The following ALCAM variants were observed in gnomAD, a reference collection of about 807,000 sequenced individuals.
The protein encoded by ALCAM is CD166 antigen.
Under a neutral mutation model 70.9 loss-of-function variants are expected in ALCAM, and 30 were observed. The ratio of observed to expected loss-of-function variants is 0.42; its 90% CI spans 0.32 to 0.57. The LOEUF (loss-of-function observed/expected upper bound fraction) is 0.57. Among genes scored for constraint, ALCAM ranks in the 20% least tolerant of loss-of-function variants. The probability of loss-of-function intolerance (pLI) is 0.11; values close to 1 mark genes in which losing one functional copy is unlikely to be tolerated. For missense variants in ALCAM, 591 were observed against 695.1 expected (o/e 0.85, Z 1.68); for synonymous variants, 249 against 242.5 (o/e 1.03, Z -0.25).
intron 11 of ALCAM, among the ~76,000 whole-genome samples, chr3:105,548,022 G>A (rs1436577640): frequency 6.6e-6 from 1 of 151,452 alleles, no homozygotes; most frequent in Non-Finnish European, 1.5e-5. Context: ...TGTGTGGTCT[G>A]ACATGCCTAT....
chr3:105,375,041 AT>A (rs1246440084), intron 1 of ALCAM, among the ~76,000 whole-genome samples: 4 of 152,194 alleles, frequency 2.6e-5, no homozygotes, highest in African/African-American at 9.7e-5. Flanking sequence ...ACCCTTCCAA[AT>A]TCAGCTTGTT....
chr3:105,427,312 C>T (rs189565188), intron 1 of ALCAM, among the ~76,000 whole-genome samples: 2 of 152,016 alleles, frequency 1.3e-5, no homozygotes, highest in East Asian at 3.9e-4. Context: ...GTTGCCCCTA[C>T]CTCTACTGTT....
At chr3:105,448,062 T>C (rs1261782773) in intron 1 of ALCAM, among the ~76,000 whole-genome samples, 2 of 152,134 alleles carry the variant, frequency 1.3e-5, no homozygotes, top group African/African-American at 4.8e-5. Context: ...AAAAAATCAG[T>C]TGGGATTATG....
intron 1 of ALCAM, among the ~76,000 whole-genome samples, chr3:105,510,518 T>C (rs1430007939): frequency 1.3e-5 from 2 of 152,046 alleles, no homozygotes; most frequent in East Asian, 3.9e-4. Context: ...TTTCCCTAAA[T>C]AATAAACAAA....
chr3:105,441,861 T>A (rs1339798822), intron 1 of ALCAM, among the ~76,000 whole-genome samples: 2 of 152,196 alleles, frequency 1.3e-5, no homozygotes, highest in African/African-American at 4.8e-5. Flanking sequence ...CACTTAAATA[T>A]CTAAGTGGAT....
At chr3:105,566,493 C>A (rs1940746084) in intron 14 of ALCAM, among the ~76,000 whole-genome samples, 1 of 152,118 alleles carries the variant, frequency 6.6e-6, no homozygotes, top group African/African-American at 2.4e-5. Flanking sequence ...ACCTCCCTAT[C>A]TGTTTTCTAG....
intron 1 of ALCAM, among the ~76,000 whole-genome samples, chr3:105,435,858 T>C (rs1261191453): frequency 2.0e-5 from 3 of 152,070 alleles, no homozygotes; most frequent in Non-Finnish European, 4.4e-5. Flanking sequence ...TGGCGCGATC[T>C]CGGCTCACTG....
At chr3:105,515,954 T>G (rs752413565) in intron 1 of ALCAM, among the ~76,000 whole-genome samples, 2 of 152,120 alleles carry the variant, frequency 1.3e-5, no homozygotes, top group Non-Finnish European at 2.9e-5. Context: ...AACCGGCATT[T>G]AGTTCTTATA....
chr3:105,549,314 C>A (rs73854325), intron 11 of ALCAM, among the ~76,000 whole-genome samples: 3 of 151,318 alleles, frequency 2.0e-5, no homozygotes, highest in South Asian at 2.1e-4. Context: ...GCCCCTCCTC[C>A]ACCCCAGCAA....
At chr3:105,526,484 C>G (rs1939709658) in intron 3 of ALCAM, among the ~76,000 whole-genome samples, 2 of 152,058 alleles carry the variant, frequency 1.3e-5, no homozygotes, top group Non-Finnish European at 1.5e-5. Context: ...CCAACACCCC[C>G]CTACTCCCTT....
chr3:105,504,583 G>GCCA (rs1939015281), intron 1 of ALCAM, among the ~76,000 whole-genome samples: 1 of 142,096 alleles, frequency 7.0e-6, no homozygotes, highest in African/African-American at 2.6e-5. Flanking sequence ...ACGGCCTGCC[G>GCCA]GCCTGCTGGT....
chr3:105,509,099 T>C (rs1278323430), intron 1 of ALCAM, among the ~76,000 whole-genome samples: 1 of 152,134 alleles, frequency 6.6e-6, no homozygotes, highest in East Asian at 1.9e-4. Flanking sequence ...ATATAGACAA[T>C]TTATTTATCC....
intron 14 of ALCAM, among the ~76,000 whole-genome samples, chr3:105,558,450 G>A (rs897674950): frequency 1.3e-5 from 2 of 152,008 alleles, no homozygotes; most frequent in African/African-American, 4.8e-5. Context: ...CAGCCAGATT[G>A]TGATTTACTG....
intron 1 of ALCAM, among the ~76,000 whole-genome samples, chr3:105,452,469 A>G (rs1937451924): frequency 6.6e-6 from 1 of 152,120 alleles, no homozygotes; most frequent in South Asian, 2.1e-4. Flanking sequence ...TATCCAGTCT[A>G]TCTATTGATG....
At chr3:105,386,170 C>G (rs1935650236) in intron 1 of ALCAM, among the ~76,000 whole-genome samples, 1 of 151,556 alleles carries the variant, frequency 6.6e-6, no homozygotes, top group African/African-American at 2.4e-5. Context: ...ATAAGAGAGA[C>G]ACAAGTAGGT....
intron 1 of ALCAM, among the ~76,000 whole-genome samples, chr3:105,455,396 T>A (rs1186105724): frequency 6.9e-6 from 1 of 144,530 alleles, no homozygotes; most frequent in Non-Finnish European, 1.5e-5. Context: ...GAGCCGAGAA[T>A]GCGCCACTGC....
intron 1 of ALCAM, among the ~76,000 whole-genome samples, chr3:105,393,418 G>A (rs1278552396): frequency 6.6e-6 from 1 of 151,754 alleles, no homozygotes; most frequent in Non-Finnish European, 1.5e-5. Context: ...CATACCATAA[G>A]AGGAATTTAA....
intron 8 of ALCAM, chr3:105,544,901 A>G (rs1219855111): frequency 7.3e-6 from 2 of 275,218 alleles, no homozygotes; most frequent in South Asian, 3.7e-5. Flanking sequence ...ATTTTCTTCC[A>G]GAAGTGACTT....
At chr3:105,416,639 G>T (rs1401594299) in intron 1 of ALCAM, among the ~76,000 whole-genome samples, 1 of 151,648 alleles carries the variant, frequency 6.6e-6, no homozygotes, top group East Asian at 1.9e-4. Flanking sequence ...ACCACCATTC[G>T]ACCAATTTTT....
Sources: gnomAD v4.1 joint callset for allele counts (sites outside exome capture counted in the v4.1 genomes callset) on GRCh38, gnomAD v4.1.1 for gene constraint, MANE v1.5 for transcripts, NCBI Gene and HGNC (gene_info 2026-07-23, HGNC 2026-07-21) for gene names.